CLMN: variants seen among roughly 807,000 people sequenced by gnomAD.
The protein encoded by CLMN is calmin (calponin-like, transmembrane).
Under a neutral mutation model 92.7 loss-of-function variants are expected in CLMN, and 57 were observed. That is an observed-to-expected ratio of 0.61 (90% CI 0.50 to 0.77). The LOEUF (loss-of-function observed/expected upper bound fraction) is 0.77, where lower values mean the gene tolerates loss of function less well. Ranked by LOEUF, CLMN falls within the 30% of genes least tolerant of loss-of-function variation. The pLI is 0.00. For synonymous variants in CLMN, 466 were observed against 470.6 expected (o/e 0.99, Z 0.13); for missense variants, 1,158 against 1,237.5 (o/e 0.94, Z 0.96).
chr14:95,312,438 C>G (rs1024454187), intron 1 of CLMN, among the ~76,000 whole-genome samples: 2 of 152,194 alleles, frequency 1.3e-5, no homozygotes, highest in Admixed American at 1.3e-4. Context: ...CAAGCATTCC[C>G]TGCTGTCATC....
At chr14:95,253,601 G>GT (rs1203931503) in intron 1 of CLMN, among the ~76,000 whole-genome samples, 1 of 136,938 alleles carries the variant, frequency 7.3e-6, no homozygotes, top group Non-Finnish European at 1.6e-5. Context: ...TTAACACAGT[G>GT]TTTTTTTGTT....
At chr14:95,307,170 C>T (rs1901322614) in intron 1 of CLMN, among the ~76,000 whole-genome samples, 1 of 152,184 alleles carries the variant, frequency 6.6e-6, no homozygotes, top group African/African-American at 2.4e-5. Context: ...CATGGTCGGG[C>T]TCACAGCTAC....
At chr14:95,214,412 T>C (rs1036254021) in intron 5 of CLMN, among the ~76,000 whole-genome samples, 2 of 147,382 alleles carry the variant, frequency 1.4e-5, no homozygotes, top group South Asian at 2.2e-4. Flanking sequence ...TGCAGTGGCA[T>C]GATCATGTCT....
chr14:95,199,254 A>G (rs1896809706), intron 9 of CLMN: 1 of 152,220 alleles, frequency 6.6e-6, no homozygotes, highest in African/African-American at 2.4e-5. Context: ...GATCCCTTAT[A>G]TTAATTTCCC....
intron 1 of CLMN, among the ~76,000 whole-genome samples, chr14:95,249,009 CA>C (rs530873323): frequency 4.9e-4 from 74 of 152,176 alleles, no homozygotes; most frequent in African/African-American, 1.7e-3. Flanking sequence ...TTTCTTTGTA[CA>C]AAATGAGTGG....
chr14:95,271,828 C>T (rs1899722599), intron 1 of CLMN, among the ~76,000 whole-genome samples: 1 of 152,226 alleles, frequency 6.6e-6, no homozygotes, highest in African/African-American at 2.4e-5. Flanking sequence ...CCACTCCGTG[C>T]CTACCAAAGG....
intron 1 of CLMN, among the ~76,000 whole-genome samples, chr14:95,232,912 G>A (rs1303858829): frequency 2.0e-5 from 3 of 152,212 alleles, no homozygotes; most frequent in Admixed American, 6.5e-5. Flanking sequence ...GCAGAAACAA[G>A]CATTGTATGA....
intron 1 of CLMN, among the ~76,000 whole-genome samples, chr14:95,250,397 TTTTATGCA>T (rs1446637811): frequency 6.6e-6 from 1 of 152,250 alleles, no homozygotes; most frequent in African/African-American, 2.4e-5. Context: ...GTAATAAGCA[TTTTATGCA>T]TAAATGCCTG....
rs968985734 is a variant in CLMN at position 95,203,550 on chromosome 14, T to C, written c.1799A>G (p.Asn600Ser). The C allele has an allele frequency of 6.2e-7, 1 of 1,614,090 alleles. No homozygotes were observed. Among genetic ancestry groups the C allele is most frequent in the African/African-American group, 1.3e-5 (1 of 74,912 alleles). The part of the protein sequence containing the change: ...KPDEDAEAFE[N>S]HAEKLGKRSI... ...CCTTTTACCTAGTTTTTCAGCATGA[T>C]TCTCAAAAGCCTCAGCATCCTCGTC... Residue 600 changes from asparagine (N) to serine (S), a missense_variant, in exon 9 of 13, where the codon AAT becomes AGT. Coordinates refer to ENST00000298912, the MANE Select transcript of CLMN (RefSeq NM_024734.4).
chr14:95,272,917 A>C (rs1899771464), intron 1 of CLMN, among the ~76,000 whole-genome samples: 1 of 152,246 alleles, frequency 6.6e-6, no homozygotes, highest in Non-Finnish European at 1.5e-5. Flanking sequence ...AATGTAATAA[A>C]AGGGAATGCA....
chr14:95,225,665 A>C (rs538215934), intron 2 of CLMN, among the ~76,000 whole-genome samples: 1 of 151,864 alleles, frequency 6.6e-6, no homozygotes, highest in South Asian at 2.1e-4. Flanking sequence ...TGCCCCACTC[A>C]CTCACTTTCT....
At chr14:95,236,588 C>T (rs1595606824) in intron 1 of CLMN, among the ~76,000 whole-genome samples, 1 of 152,180 alleles carries the variant, frequency 6.6e-6, no homozygotes, top group African/African-American at 2.4e-5. Flanking sequence ...CCAGATCACA[C>T]AATGACCCGG....
At chr14:95,234,528 T>C (rs1289961235) in intron 1 of CLMN, among the ~76,000 whole-genome samples, 1 of 151,752 alleles carries the variant, frequency 6.6e-6, no homozygotes, top group African/African-American at 2.4e-5. Context: ...TCTCACAGAG[T>C]GTTTGTGGGG....
intron 1 of CLMN, among the ~76,000 whole-genome samples, chr14:95,252,217 G>A (rs781023662): frequency 1.6e-4 from 25 of 152,174 alleles, no homozygotes; most frequent in Non-Finnish European, 5.9e-5. Context: ...CAGGGGTCAA[G>A]TGCAGGCCCT....
chr14:95,199,636 AAAAC>A (rs752618713), intron 9 of CLMN, among the ~76,000 whole-genome samples: 57 of 152,346 alleles, frequency 3.7e-4, no homozygotes, highest in Admixed American at 5.9e-4. Context: ...TCGGGAGAGA[AAAAC>A]AAAGCCCATG....
intron 4 of CLMN, among the ~76,000 whole-genome samples, chr14:95,220,675 TCAGACAGTG>T: frequency 6.6e-6 from 1 of 152,168 alleles, no homozygotes. Flanking sequence ...CTACCCCTGT[TCAGACAGTG>T]AAAGTGCTTT....
At chr14:95,236,386 T>C (rs1290572071) in intron 1 of CLMN, among the ~76,000 whole-genome samples, 1 of 152,130 alleles carries the variant, frequency 6.6e-6, no homozygotes, top group Non-Finnish European at 1.5e-5. Flanking sequence ...CCAGAACATC[T>C]CGCGCAGCTT....
chr14:95,245,262 T>TATATATATTATATATAATATATA (rs1898496202), intron 1 of CLMN, among the ~76,000 whole-genome samples: 3 of 43,012 alleles, frequency 7.0e-5, no homozygotes, highest in Non-Finnish European at 1.1e-4. Context: ...ATAATATATA[T>TATATATATTATATATAATATATA]ATATATATTA....
Position 95,294,033 on chromosome 14 carries a change from AGG to A in CLMN, c.82+25676_82+25677del, listed in dbSNP as rs1336283521. 2.6e-5 allele frequency among the ~76,000 whole-genome samples: 4 copies of A among 152,068 alleles called. No individual in the cohort carries two copies. Among genetic ancestry groups the A allele is most frequent in the Admixed American group, 2.0e-4 (3 of 15,262 alleles). ...GGTGACACCAAAGAGGAGGAGGAGG[AGG>A]AGGAGGCCAGAAGTCTGGCTGGAGG... On this transcript the variant is annotated intron_variant, in intron 1 of 12. Transcript: ENST00000298912. This position sits in a 1 kb window ranked among gnomAD's most constrained non-coding sequence, Gnocchi z 4.2.
Sources: allele counts gnomAD v4.1 joint callset (sites outside exome capture counted in the v4.1 genomes callset), GRCh38; gene constraint gnomAD v4.1.1; non-coding constraint Gnocchi (gnomAD v3.1); transcripts MANE v1.5; gene names NCBI Gene and HGNC (gene_info 2026-07-23, HGNC 2026-07-21).